GPA33: variants seen among roughly 807,000 people sequenced by gnomAD.
GPA33 encodes the protein cell surface A33 antigen.
A neutral mutation model predicts 35.6 loss-of-function variants in GPA33; 27 were observed. The observed-to-expected ratio is 0.76, with a 90% CI of 0.56 to 1.04. The LOEUF is 1.04. Ranked by LOEUF, GPA33 falls within the 50% of genes least tolerant of loss-of-function variation. The pLI is 0.00. For synonymous variants in GPA33, 176 were observed against 164.0 expected, an observed-to-expected ratio of 1.07 and a Z score of -0.56; for missense variants, 428 against 411.9, an observed-to-expected ratio of 1.04 and a Z score of -0.34.
chr1:167,090,106 T>C (rs1571324246), intron 1 of GPA33, 139 bp downstream of exon 1: 1 of 678,940 alleles, frequency 1.5e-6, no homozygotes, highest in East Asian at 2.7e-5. Flanking sequence ...GTCCGGAATG[T>C]GTAATTCTGG....
chr1:167,083,203 A>C (rs1481739290), intron 1 of GPA33, among the ~76,000 whole-genome samples: 2 of 152,232 alleles, frequency 1.3e-5, no homozygotes, highest in African/African-American at 4.8e-5. Flanking sequence ...GACTTTCTCT[A>C]AGTCACTTTA....
At chr1:167,062,211 C>T (rs574027159) in intron 4 of GPA33, among the ~76,000 whole-genome samples, 68 of 150,004 alleles carry the variant, frequency 4.5e-4, no homozygotes, top group Non-Finnish European at 8.5e-4. Flanking sequence ...TTTTATTTTA[C>T]TTTATTTTAT....
At chr1:167,075,258 G>A (rs1327107817) in intron 1 of GPA33, among the ~76,000 whole-genome samples, 1 of 152,122 alleles carries the variant, frequency 6.6e-6, no homozygotes, top group African/African-American at 2.4e-5. Context: ...ATAGAAGTGG[G>A]GTGGGGAACA....
intron 2 of GPA33, 37 bp from the exon 3 acceptor site, chr1:167,069,175 A>G: frequency 1.4e-6 from 2 of 1,467,978 alleles, no homozygotes; most frequent in Non-Finnish European, 1.9e-6. Context: ...TCTTCACCCA[A>G]AGGCCCTTGC....
intron 4 of GPA33, among the ~76,000 whole-genome samples, chr1:167,056,631 A>G (rs1350124813): frequency 0.03 from 47 of 1,544 alleles, no homozygotes; most frequent in African/African-American, 0.034. Context: ...TGAGTGTGTG[A>G]TGTGTGTGGT....
intron 2 of GPA33, among the ~76,000 whole-genome samples, chr1:167,072,921 G>A (rs1056014175): frequency 6.6e-5 from 10 of 152,124 alleles, no homozygotes; most frequent in Admixed American, 5.9e-4. Context: ...GACAGGAGAA[G>A]CAGGGATGGG....
At chr1:167,073,309 T>C in intron 2 of GPA33, 76 bp downstream of exon 2, 1 of 1,239,542 alleles carries the variant, frequency 8.1e-7, no homozygotes, top group Admixed American at 1.8e-5. Context: ...AAAGACTTCA[T>C]AGTGCTTGCC....
chr1:167,056,592 T>TGTG (rs1558001592), intron 4 of GPA33, among the ~76,000 whole-genome samples: 7 of 202 alleles, frequency 0.035, no homozygotes, highest in Non-Finnish European at 0.064. Context: ...GTGTGGTATG[T>TGTG]GTGTATGTGG....
chr1:167,056,688 TG>T (rs1666280999), intron 4 of GPA33, among the ~76,000 whole-genome samples: 9 of 102,898 alleles, frequency 8.7e-5, no homozygotes, highest in Non-Finnish European at 1.5e-4. Flanking sequence ...GTCTGGTGTG[TG>T]GTGGGTGTGT....
intron 4 of GPA33, among the ~76,000 whole-genome samples, chr1:167,061,671 C>T (rs1001893637): frequency 3.6e-5 from 5 of 140,246 alleles, no homozygotes; most frequent in East Asian, 2.2e-4. Context: ...GGCGCGATCT[C>T]GGCTCACTGC....
At chr1:167,059,476 C>A (rs1228970903) in intron 4 of GPA33, among the ~76,000 whole-genome samples, 2 of 152,000 alleles carry the variant, frequency 1.3e-5, no homozygotes, top group South Asian at 2.1e-4. Context: ...GTTTCCGCAT[C>A]CCCCCAACCC....
intron 6 of GPA33, 147 bp from the exon 7 acceptor site, chr1:167,054,613 G>A: frequency 1.0e-6 from 1 of 1,004,742 alleles, no homozygotes; most frequent in African/African-American, 1.6e-5. Flanking sequence ...GAAAGGCTGG[G>A]CTGAGAGTAA....
intron 1 of GPA33, among the ~76,000 whole-genome samples, chr1:167,081,295 A>G (rs1666939225): frequency 6.6e-6 from 1 of 152,200 alleles, no homozygotes. Context: ...CAGAGAAACC[A>G]CGTTCTTAGG....
At chr1:167,063,368 C>G (rs1666505983) in intron 4 of GPA33, among the ~76,000 whole-genome samples, 1 of 152,156 alleles carries the variant, frequency 6.6e-6, no homozygotes, top group African/African-American at 2.4e-5. Context: ...GAGATCGTGC[C>G]AACTGCACTC....
At chr1:167,055,180 G>C in intron 5 of GPA33, 69 bp from the exon 6 acceptor site, 1 of 1,528,842 alleles carries the variant, frequency 6.5e-7, no homozygotes, top group Non-Finnish European at 8.9e-7. Context: ...CCCAGCCAGG[G>C]GAGCAGCAGC....
intron 1 of GPA33, among the ~76,000 whole-genome samples, chr1:167,075,961 G>GA (rs1666814166): frequency 1.3e-5 from 2 of 152,178 alleles, no homozygotes; most frequent in Non-Finnish European, 2.9e-5. Context: ...GTCATTGGAT[G>GA]TGGCCACATG....
chr1:167,074,753 TGAG>T (rs1437986172), intron 1 of GPA33, among the ~76,000 whole-genome samples: 3 of 138,662 alleles, frequency 2.2e-5, no homozygotes, highest in African/African-American at 8.3e-5. Context: ...GGGAAGTGAG[TGAG>T]GAGGAGAGAT....
At chr1:167,068,854 CTCT>C (rs2102185907) in intron 3 of GPA33, 65 bp downstream of exon 3, 2 of 1,217,160 alleles carry the variant, frequency 1.6e-6, no homozygotes, top group African/African-American at 1.5e-5. Flanking sequence ...AACACCTGGG[CTCT>C]TCTCCCTGTG....
chr1:167,070,440 A>G (rs566112081), intron 2 of GPA33, among the ~76,000 whole-genome samples: 1 of 152,346 alleles, frequency 6.6e-6, no homozygotes. Context: ...CAAATGAGGA[A>G]GCCAAGGCAC....
Sources: allele counts gnomAD v4.1 joint callset (sites outside exome capture counted in the v4.1 genomes callset), GRCh38; gene constraint gnomAD v4.1.1; transcripts MANE v1.5; gene names NCBI Gene and HGNC (gene_info 2026-07-23, HGNC 2026-07-21).